AGMO: variants seen among roughly 807,000 people sequenced by gnomAD.
The protein encoded by AGMO is alkylglycerol monooxygenase.
A neutral mutation model predicts 60.2 loss-of-function variants in AGMO; 75 were observed. That is an observed-to-expected ratio of 1.25 (90% CI 1.03 to 1.51). The LOEUF (loss-of-function observed/expected upper bound fraction) is 1.51, where lower values mean the gene tolerates loss of function less well. Among genes scored for constraint, AGMO ranks in the 40% most tolerant of loss-of-function variants. The pLI is 0.00. For synonymous variants in AGMO, 261 were observed against 177.1 expected, an observed-to-expected ratio of 1.47 and a Z score of -3.76; for missense variants, 763 against 525.5, an observed-to-expected ratio of 1.45 and a Z score of -4.42.
chr7:15,530,820 TTTCTATATATATTCTATATATATATA>T (rs1367087192), intron 3 of AGMO, among the ~76,000 whole-genome samples: 5 of 89,200 alleles, frequency 5.6e-5, no homozygotes, highest in Admixed American at 1.6e-4. Context: ...TATATATACA[TTTCTATATATATTCTATATATATATA>T]TTCTATATAT....
chr7:15,384,834 T>G (rs1172542531), intron 10 of AGMO, among the ~76,000 whole-genome samples: 1 of 144,630 alleles, frequency 6.9e-6, no homozygotes, highest in African/African-American at 2.7e-5. Flanking sequence ...TTTTTTTTTT[T>G]GCAATTTACA....
In AGMO at chr7:15,271,681, T is replaced by C. The variant is rs531226569; in HGVS notation, c.1264-70322A>G. 7.9e-4 allele frequency among the ~76,000 whole-genome samples: 121 copies of C among 152,290 alleles called. 1 individual carries two copies. Among genetic ancestry groups the C allele is most frequent in the African/African-American group, 2.8e-3 (118 of 41,568 alleles). On this transcript the variant is annotated intron_variant, in intron 12 of 12. Coordinates refer to ENST00000342526, the MANE Select transcript of AGMO (RefSeq NM_001004320.2). ...ATTTCTTTCACTTGCCTGATTGCTA[T>C]AGCTAAGACTTCCAGTACTATGTTG... is the stretch of plus-strand genomic sequence containing the variant.
rs1174252580 is a variant in AGMO, at chr7:15,354,345, CGTGTATATAGACGT to C, written c.1263+11155_1263+11168del. Reference sequence around the variant, plus strand: ...ATATACGTACGCGTGTATATACACGCGTGTATATAGACGTGTGTATATAGACGTGTGTATACACG... The same window carrying C: ...ATATACGTACGCGTGTATATACACGCGTGTATATAGACGTGTGTATACACG... On this transcript the variant is annotated intron_variant, in intron 12 of 12. Transcript: ENST00000342526. 2.0e-4 allele frequency among the ~76,000 whole-genome samples: 9 copies of C among 44,254 alleles called. 3 individuals carry two copies. The highest frequency in any genetic ancestry group is 9.6e-4 in the South Asian group (1 of 1,044). The allele number at this position is 44,254 out of a possible 152,430, so 29.0% of individuals were successfully genotyped here.
At chr7:15,367,034 T>C (rs2128562225) in intron 10 of AGMO, among the ~76,000 whole-genome samples, 1 of 152,148 alleles carries the variant, frequency 6.6e-6, no homozygotes, top group East Asian at 1.9e-4. Context: ...TCTTTTTTTA[T>C]TGTTTAAAAT....
chr7:15,435,004 T>G (rs1781360885), intron 3 of AGMO, among the ~76,000 whole-genome samples: 1 of 152,078 alleles, frequency 6.6e-6, no homozygotes, highest in Non-Finnish European at 1.5e-5. Context: ...TTTAGCATAA[T>G]GCATTGAAGA....
chr7:15,399,693 G>A (rs1784503954), intron 5 of AGMO, among the ~76,000 whole-genome samples: 2 of 152,260 alleles, frequency 1.3e-5, no homozygotes, highest in South Asian at 4.1e-4. Flanking sequence ...CCAGTCTCTG[G>A]TGAAAGTGGG....
intron 5 of AGMO, among the ~76,000 whole-genome samples, chr7:15,405,606 C>G (rs1784664937): frequency 6.6e-6 from 1 of 151,870 alleles, no homozygotes; most frequent in Non-Finnish European, 1.5e-5. Flanking sequence ...AGTCATTTGG[C>G]TTTTTCAAAA....
At chr7:15,179,169 C>G in the AGMO span, among the ~76,000 whole-genome samples, 1 of 152,214 alleles carries the variant, frequency 6.6e-6, no homozygotes, top group South Asian at 2.1e-4. Flanking sequence ...ACACATTCAT[C>G]CATCACAATA....
chr7:15,484,537 G>A (rs1782861952), intron 3 of AGMO, among the ~76,000 whole-genome samples: 2 of 152,084 alleles, frequency 1.3e-5, no homozygotes. Context: ...TAGGATTTAT[G>A]GACACTTTTG....
intron 3 of AGMO, among the ~76,000 whole-genome samples, chr7:15,493,362 C>CACCT (rs71004386): frequency 2.0e-5 from 2 of 102,264 alleles, no homozygotes; most frequent in Non-Finnish European, 3.7e-5. Flanking sequence ...CACACACACA[C>CACCT]TTCTTTTTTT....
intron 12 of AGMO, among the ~76,000 whole-genome samples, chr7:15,337,693 T>C (rs62450334): frequency 0.036 from 5,428 of 152,248 alleles, 102 homozygotes; most frequent in Admixed American, 0.051. Context: ...GTTCACGAAA[T>C]GCAAAGCAGC....
chr7:15,332,525 T>C (rs868475424), intron 12 of AGMO, among the ~76,000 whole-genome samples: 11 of 152,268 alleles, frequency 7.2e-5, no homozygotes, highest in Middle Eastern at 6.8e-3. Flanking sequence ...TGTTTCCCCA[T>C]CACTTGCCCA....
chr7:15,488,342 G>A (rs1241454035), intron 3 of AGMO, among the ~76,000 whole-genome samples: 1 of 152,178 alleles, frequency 6.6e-6, no homozygotes, highest in African/African-American at 2.4e-5. Context: ...CTTAAAGCCA[G>A]AAACTTTAAT....
At chr7:15,476,471 G>A (rs996110507) in intron 3 of AGMO, among the ~76,000 whole-genome samples, 2 of 151,992 alleles carry the variant, frequency 1.3e-5, no homozygotes, top group African/African-American at 2.4e-5. Context: ...GGATAAGGGC[G>A]GTGGTTGTTT....
chr7:15,504,595 T>A (rs1259074461), intron 3 of AGMO, among the ~76,000 whole-genome samples: 1 of 151,986 alleles, frequency 6.6e-6, no homozygotes, highest in Non-Finnish European at 1.5e-5. Context: ...TCCTCTGACA[T>A]GAACTTCCGG....
At chr7:15,470,010 C>T (rs1388046970) in intron 3 of AGMO, among the ~76,000 whole-genome samples, 1 of 151,612 alleles carries the variant, frequency 6.6e-6, no homozygotes, top group African/African-American at 2.4e-5. Flanking sequence ...CAGCAAAAAC[C>T]CAATAAAAAC....
intron 12 of AGMO, among the ~76,000 whole-genome samples, chr7:15,267,264 C>T (rs1392081307): frequency 6.6e-6 from 1 of 151,766 alleles, no homozygotes; most frequent in Non-Finnish European, 1.5e-5. Context: ...AGAAAATATA[C>T]TATGTATAAT....
intron 3 of AGMO, among the ~76,000 whole-genome samples, chr7:15,455,340 A>G (rs6978542): frequency 0.35 from 53,377 of 151,850 alleles, 10,675 homozygotes; most frequent in Non-Finnish European, 0.47. Context: ...TCTCCTATTA[A>G]TATATTCAAA....
At chr7:15,250,249 A>G (rs1292969360) in intron 12 of AGMO, among the ~76,000 whole-genome samples, 2 of 152,190 alleles carry the variant, frequency 1.3e-5, no homozygotes. Flanking sequence ...GGTTATCAAA[A>G]AAGTATTTAT....
Sources: gnomAD v4.1 joint callset for allele counts (sites outside exome capture counted in the v4.1 genomes callset) on GRCh38, gnomAD v4.1.1 for gene constraint, MANE v1.5 for transcripts, NCBI Gene and HGNC (gene_info 2026-07-23, HGNC 2026-07-21) for gene names.